Variants in MYO7A observed in about 807,000 individuals in gnomAD.
MYO7A encodes myosin VIIA.
MYO7A carries 210 observed loss-of-function variants against 263.8 expected under a neutral mutation model. The observed-to-expected ratio is 0.80, with a 90% CI of 0.71 to 0.89. The LOEUF (loss-of-function observed/expected upper bound fraction) is 0.89. Ranked by LOEUF, MYO7A falls within the 40% of genes least tolerant of loss-of-function variation. The pLI, the probability that MYO7A is intolerant of heterozygous loss-of-function variation, is 0.00. For synonymous variants in MYO7A, 1,239 were observed against 1,197.3 expected (o/e 1.03, Z -0.72); for missense variants, 2,820 against 2,968.3 (o/e 0.95, Z 1.16).
chr11:77,172,199 G>A (rs915447334), intron 15 of MYO7A, among the ~76,000 whole-genome samples: 6 of 152,202 alleles, frequency 3.9e-5, no homozygotes, highest in South Asian at 2.1e-4. Flanking sequence ...TCTGACCCTT[G>A]TCACAGCCTG....
chr11:77,142,934 C>A, intron 3 of MYO7A, 112 bp downstream of exon 3: 2 of 859,726 alleles, frequency 2.3e-6, no homozygotes, highest in Non-Finnish European at 3.7e-6. Flanking sequence ...GCCCATGCCC[C>A]CACTTCTGCC....
chr11:77,179,001 C>T, intron 19 of MYO7A, 44 bp from the exon 20 acceptor site: 1 of 1,512,100 alleles, frequency 6.6e-7, no homozygotes, highest in South Asian at 1.2e-5. Context: ...TGTACCCTGG[C>T]TGCCTCTGGA....
At chr11:77,139,977 G>A (rs1451190638) in intron 2 of MYO7A, among the ~76,000 whole-genome samples, 1 of 152,168 alleles carries the variant, frequency 6.6e-6, no homozygotes, top group Non-Finnish European at 1.5e-5. Flanking sequence ...ATCTGAAACT[G>A]TTTCCTCAAG....
rs375662903 is a variant in MYO7A at position 77,147,817 on chromosome 11, A to C, written c.152A>C (p.Gln51Pro). ...CCGCAGGAACACTGGATCTCTCCGC[A>C]GAACGCAACGCACATCAAGCCTATG... ...DEDNEHWISP[Q>P]NATHIKPMHP... is the part of the protein sequence containing the mutation. Residue 51 changes from glutamine to proline, a missense_variant, in exon 4 of 49, where the codon CAG becomes CCG. Coordinates refer to ENST00000409709, the MANE Select transcript of MYO7A (RefSeq NM_000260.4). 6.2e-7 allele frequency: 1 copy of C among 1,610,484 alleles called. No individual in the cohort carries two copies. The highest frequency in any genetic ancestry group is 8.5e-7 in the Non-Finnish European group (1 of 1,178,974).
rs1392201948 is a variant in MYO7A at position 77,190,748 on chromosome 11, AC to A, written c.3804del (p.Thr1269ProfsTer5). On this transcript the variant is annotated frameshift_variant, in exon 30 of 49. Transcript: ENST00000409709. LOFTEE classifies it high-confidence loss of function. ...IMLPVTFMDGTTKTLLTDSAT... is the reference protein window; with the variant it reads ...IMLPVTFMDGXTKTLLTDSAT... ...GTTGCCCGTGACATTCATGGATGGGACCACCAAGACCCTGCTGACGGACTCG... is the reference window on the plus strand; with the variant it reads ...GTTGCCCGTGACATTCATGGATGGGACACCAAGACCCTGCTGACGGACTCG... The A allele has an allele frequency of 1.3e-6, 2 of 1,599,578 alleles. No homozygotes were observed. Among genetic ancestry groups the A allele is most frequent in the Non-Finnish European group, 1.7e-6 (2 of 1,173,524 alleles).
In MYO7A at chr11:77,156,672, G is replaced by T; in HGVS notation, c.483G>T (p.Gly161=). The change falls in exon 6 of 49, where the codon GGG becomes GGT. Residue 161 remains glycine (G), a synonymous_variant. Transcript: ENST00000409709. The part of the protein sequence containing the change: ...DQCCIISGES[G]AGKTESTKLI... ...CCTCCCTCTGCAGTGGGGAATCTGGGGCCGGGAAGACGGAGAGCACAAAGC... is the reference window on the plus strand; with the variant it reads ...CCTCCCTCTGCAGTGGGGAATCTGGTGCCGGGAAGACGGAGAGCACAAAGC... The T allele has an allele frequency of 6.2e-7, 1 of 1,613,920 alleles. No homozygotes were observed. Among genetic ancestry groups the T allele is most frequent in the Non-Finnish European group, 8.5e-7 (1 of 1,179,876 alleles).
At chr11:77,132,673 A>G (rs546780198) in intron 2 of MYO7A, among the ~76,000 whole-genome samples, 4 of 152,230 alleles carry the variant, frequency 2.6e-5, no homozygotes, top group East Asian at 3.9e-4. Context: ...ATTTTTAATA[A>G]AGACGGGGTT....
chr11:77,163,282 A>T (rs782141649), intron 14 of MYO7A, among the ~76,000 whole-genome samples: 14 of 152,012 alleles, frequency 9.2e-5, no homozygotes, highest in Non-Finnish European at 2.1e-4. Context: ...GGCCCCCTGT[A>T]ACCTGTGTTC....
In MYO7A at chr11:77,192,176, C is replaced by T. The variant is rs780021038; in HGVS notation, c.4050C>T (p.Val1350=). The change falls in exon 31 of 49, where the codon GTC becomes GTT. Residue 1350 remains valine (V), a synonymous_variant. Coordinates refer to ENST00000409709, the MANE Select transcript of MYO7A (RefSeq NM_000260.4). Reference sequence around the variant, plus strand: ...GGAGGCTCTTCTTCCGCAAAGAGGTCTTCACGCCCTGGCACAGCCCCTCCG... The same window carrying T: ...GGAGGCTCTTCTTCCGCAAAGAGGTTTTCACGCCCTGGCACAGCCCCTCCG... ...APWRLFFRKE[V]FTPWHSPSED... 6.2e-7 allele frequency: 1 copy of T among 1,614,040 alleles called. No individual in the cohort carries two copies. Among genetic ancestry groups the T allele is most frequent in the Non-Finnish European group, 8.5e-7 (1 of 1,179,904 alleles).
At chr11:77,159,953 C>A (rs546975436) in intron 10 of MYO7A, among the ~76,000 whole-genome samples, 33 of 152,224 alleles carry the variant, frequency 2.2e-4, no homozygotes, top group Non-Finnish European at 3.4e-4. Flanking sequence ...GGGAGTTAAG[C>A]GGGGCTGTCA....
At chr11:77,188,212 G>T (rs568856325) in intron 27 of MYO7A, among the ~76,000 whole-genome samples, 2 of 152,320 alleles carry the variant, frequency 1.3e-5, no homozygotes, top group African/African-American at 4.8e-5. Context: ...CCAGCTGCAG[G>T]TGATAATATC....
chr11:77,207,202 A>C, intron 41 of MYO7A, 87 bp from the exon 42 acceptor site: 2 of 845,990 alleles, frequency 2.4e-6, no homozygotes, highest in Non-Finnish European at 3.7e-6. Flanking sequence ...GAGGGGGCTC[A>C]GTATAGGAGG....
At chr11:77,209,179 G>A (rs933697713) in intron 44 of MYO7A, 1 of 229,250 alleles carries the variant, frequency 4.4e-6, no homozygotes, top group Non-Finnish European at 8.7e-6. Context: ...AAGCTTGCAT[G>A]TTGAGCCTCT....
At position 77,149,176 on chromosome 11, in the gene MYO7A, C is replaced by G. The variant is rs556486335; in HGVS notation, c.285+1226C>G. ...TGCTTCTGACCCAGCCCCATCCTCC[C>G]GCAGCCCAAGGGTAAAGGAAACCAA... On this transcript the variant is annotated intron_variant, in intron 4 of 48. Coordinates refer to ENST00000409709, the MANE Select transcript of MYO7A (RefSeq NM_000260.4). Among the ~76,000 whole-genome samples the G allele has an allele frequency of 3.9e-5, 6 of 152,192 alleles. No homozygotes were observed. In the East Asian group the frequency reaches 5.8e-4, roughly 15 times the overall value.
At chr11:77,180,291 AGTTGGGT>A in intron 21 of MYO7A, 76 bp from the exon 22 acceptor site, 2 of 1,061,650 alleles carry the variant, frequency 1.9e-6, no homozygotes, top group Non-Finnish European at 2.8e-6. Context: ...CAGAACTCAG[AGTTGGGT>A]GGGTGGAGCT....
chr11:77,148,052 GGCCCTGCCTCCT>G, intron 4 of MYO7A, 102 bp downstream of exon 4: 1 of 1,110,936 alleles, frequency 9.0e-7, no homozygotes, highest in South Asian at 1.7e-5. Context: ...GCCCTGCCGG[GGCCCTGCCTCCT>G]GAGACTTTGT....
intron 30 of MYO7A, 127 bp from the exon 31 acceptor site, chr11:77,191,924 G>A: frequency 1.3e-6 from 1 of 750,140 alleles, no homozygotes; most frequent in Non-Finnish European, 2.2e-6. Flanking sequence ...CCTCCTGGGG[G>A]CCTTGGACGT....
At chr11:77,197,040 C>T (rs1956714656) in intron 32 of MYO7A, among the ~76,000 whole-genome samples, 1 of 152,190 alleles carries the variant, frequency 6.6e-6, no homozygotes, top group Non-Finnish European at 1.5e-5. Flanking sequence ...GTTGTGGCTG[C>T]ACTCACAGTC....
At chr11:77,211,606 G>A (rs1957880069) in intron 45 of MYO7A, among the ~76,000 whole-genome samples, 1 of 152,204 alleles carries the variant, frequency 6.6e-6, no homozygotes, top group Admixed American at 6.5e-5. Context: ...CTGCCTGCCT[G>A]GGGGTGAGAA....
Sources: allele counts gnomAD v4.1 joint callset (sites outside exome capture counted in the v4.1 genomes callset), GRCh38; gene constraint gnomAD v4.1.1; transcripts MANE v1.5; gene names NCBI Gene and HGNC (gene_info 2026-07-23, HGNC 2026-07-21).